AKAP7: variants seen among roughly 807,000 people sequenced by gnomAD.
AKAP7 encodes the protein A kinase (PRKA) anchor protein 7.
AKAP7 carries 39 observed loss-of-function variants against 39.5 expected under a neutral mutation model. That is an observed-to-expected ratio of 0.99 (90% CI 0.76 to 1.29). The LOEUF (loss-of-function observed/expected upper bound fraction) is 1.29, where lower values mean the gene tolerates loss of function less well. Among genes scored for constraint, AKAP7 ranks in the 50% most tolerant of loss-of-function variants. The pLI is 0.00. For synonymous variants in AKAP7, 140 were observed against 139.1 expected (o/e 1.01, Z -0.05); for missense variants, 414 against 407.7 (o/e 1.02, Z -0.13).
At chr6:131,242,205 C>G in intron 7 of AKAP7, 1 of 983,688 alleles carries the variant, frequency 1.0e-6, no homozygotes, top group Non-Finnish European at 1.2e-6. Context: ...TATCTTGATT[C>G]TGGCTATGAG....
chr6:131,256,708 C>CATTATT lies in AKAP7; in HGVS notation c.851-24799_851-24794dup, dbSNP rs3836928. On this transcript the variant is annotated intron_variant, in intron 7 of 7. Coordinates refer to ENST00000431975, the MANE Select transcript of AKAP7 (RefSeq NM_016377.4). ...ATATCTGAATTACTCCTTCCTGGGA[C>CATTATT]ATTATTATTATTATTATTATTATTA... 4.0e-3 allele frequency among the ~76,000 whole-genome samples: 592 copies of CATTATT among 148,496 alleles called. 3 individuals carry two copies. The highest frequency in any genetic ancestry group is 0.013 in the African/African-American group (520 of 40,434).
At chr6:131,218,147 G>A (rs73775936) in intron 6 of AKAP7, among the ~76,000 whole-genome samples, 1 of 152,174 alleles carries the variant, frequency 6.6e-6, no homozygotes, top group African/African-American at 2.4e-5. Context: ...GGAGAGATTA[G>A]GAGTCCAGTT....
rs35818253 is a variant in AKAP7, at chr6:131,244,836, G to GA, written c.850+25037dup. ...ATGCTTTTATGGCTTCTGTTTTATA[G>GA]AAAAAAAAATTCTCTTTCCATTTGC... is the stretch of plus-strand genomic sequence containing the variant. On this transcript the variant is annotated intron_variant, in intron 7 of 7. Transcript: ENST00000431975. Among the ~76,000 whole-genome samples the GA allele has an allele frequency of 9.1e-3, 1,369 of 151,190 alleles. 8 individuals carry two copies. The highest frequency in any genetic ancestry group is 0.019 in the South Asian group (89 of 4,780).
At chr6:131,277,474 G>A (rs1239606720) in intron 7 of AKAP7, among the ~76,000 whole-genome samples, 2 of 152,158 alleles carry the variant, frequency 1.3e-5, no homozygotes, top group African/African-American at 4.8e-5. Context: ...TGTGTGTGTT[G>A]CGCCAGCATG....
At chr6:131,167,734 A>G (rs957594998) in intron 4 of AKAP7, among the ~76,000 whole-genome samples, 1 of 152,180 alleles carries the variant, frequency 6.6e-6, no homozygotes, top group Non-Finnish European at 1.5e-5. Context: ...TGAGAAATGT[A>G]CCATACTTAT....
intron 1 of AKAP7, among the ~76,000 whole-genome samples, chr6:131,139,911 A>G (rs754421211): frequency 8.5e-5 from 13 of 152,246 alleles, no homozygotes; most frequent in Admixed American, 1.3e-4. Flanking sequence ...ACGGACATGT[A>G]TAACATAAAG....
intron 1 of AKAP7, among the ~76,000 whole-genome samples, chr6:131,140,110 A>G (rs1584927337): frequency 6.6e-6 from 1 of 152,174 alleles, no homozygotes; most frequent in African/African-American, 2.4e-5. Context: ...GTATAGAAGA[A>G]GTGAAAGGGG....
intron 7 of AKAP7, among the ~76,000 whole-genome samples, chr6:131,256,701 C>A (rs1322155558): frequency 1.5e-5 from 2 of 132,404 alleles, no homozygotes; most frequent in African/African-American, 5.5e-5. Flanking sequence ...ATTACTCCTT[C>A]CTGGGACATT....
rs183271899 is a variant in AKAP7 at position 131,263,568 on chromosome 6, C to G, written c.851-17962C>G. Among the ~76,000 whole-genome samples the G allele has an allele frequency of 6.2e-4, 94 of 152,214 alleles. 1 individual carries two copies. The highest frequency in any genetic ancestry group is 2.2e-3 in the African/African-American group (92 of 41,532). ...TGCCTTTCTATACAAACGAAAGCAG[C>G]ATGTTGTGAAAATTTCCCAGAAGAT... On this transcript the variant is annotated intron_variant, in intron 7 of 7. Transcript: ENST00000431975.
At chr6:131,164,203 T>C (rs17787538) in intron 3 of AKAP7, 23,965 of 321,150 alleles carry the variant, frequency 0.075, 1,226 homozygotes, top group Middle Eastern at 0.15. Context: ...TTTTTTTCTA[T>C]TGTGCTGCCT....
chr6:131,224,033 A>G (rs188004180), intron 7 of AKAP7, among the ~76,000 whole-genome samples: 1 of 152,238 alleles, frequency 6.6e-6, no homozygotes, highest in Non-Finnish European at 1.5e-5. Flanking sequence ...CCTTTTTCAA[A>G]CGCTGCCAAT....
At chr6:131,225,231 A>G (rs1340758917) in intron 7 of AKAP7, among the ~76,000 whole-genome samples, 1 of 152,066 alleles carries the variant, frequency 6.6e-6, no homozygotes, top group Non-Finnish European at 1.5e-5. Context: ...TGTGGCCCTC[A>G]ATTTCCTCTA....
chr6:131,149,861 A>G (rs1185376336), intron 2 of AKAP7, among the ~76,000 whole-genome samples: 2 of 152,192 alleles, frequency 1.3e-5, no homozygotes, highest in African/African-American at 2.4e-5. Context: ...CAAAAGTAGA[A>G]TGGAGAGTCA....
intron 2 of AKAP7, among the ~76,000 whole-genome samples, chr6:131,151,328 C>A (rs1801897998): frequency 6.6e-6 from 1 of 151,308 alleles, no homozygotes; most frequent in South Asian, 2.1e-4. Context: ...CAAGCATGAG[C>A]CACTGCACCC....
At chr6:131,251,738 T>C (rs116499021) in intron 7 of AKAP7, among the ~76,000 whole-genome samples, 1,743 of 152,364 alleles carry the variant, frequency 0.011, 30 homozygotes, top group African/African-American at 0.04. Context: ...ATTTTACTTG[T>C]GAAAGGATAC....
intron 7 of AKAP7, among the ~76,000 whole-genome samples, chr6:131,220,466 G>A (rs1172749012): frequency 1.3e-5 from 2 of 152,154 alleles, no homozygotes; most frequent in African/African-American, 2.4e-5. Context: ...GCTCTGTTGT[G>A]ATTCAGATTT....
intron 5 of AKAP7, among the ~76,000 whole-genome samples, chr6:131,169,539 T>G (rs1363743721): frequency 6.6e-6 from 1 of 152,192 alleles, no homozygotes; most frequent in Non-Finnish European, 1.5e-5. Context: ...TCATCCCCAT[T>G]GCAGAGAGCC....
At chr6:131,198,028 C>T (rs1351452338) in intron 5 of AKAP7, among the ~76,000 whole-genome samples, 1 of 152,156 alleles carries the variant, frequency 6.6e-6, no homozygotes, top group Admixed American at 6.6e-5. Context: ...CATATGACTA[C>T]TTGAGATAAT....
At chr6:131,253,564 A>G (rs777309508) in intron 7 of AKAP7, among the ~76,000 whole-genome samples, 1 of 152,092 alleles carries the variant, frequency 6.6e-6, no homozygotes, top group Non-Finnish European at 1.5e-5. Context: ...CTTCTATCTA[A>G]CTGTGTTTGT....
Sources: allele counts gnomAD v4.1 joint callset (sites outside exome capture counted in the v4.1 genomes callset), GRCh38; gene constraint gnomAD v4.1.1; transcripts MANE v1.5; gene names NCBI Gene and HGNC (gene_info 2026-07-23, HGNC 2026-07-21).